Variants in MAP3K14 observed in about 807,000 individuals in gnomAD.
MAP3K14 encodes mitogen-activated protein kinase kinase kinase 14.
A neutral mutation model predicts 99.2 loss-of-function variants in MAP3K14; 16 were observed. That is an observed-to-expected ratio of 0.16 (90% CI 0.11 to 0.24). The LOEUF is 0.24. Ranked by LOEUF, MAP3K14 falls within the 10% of genes least tolerant of loss-of-function variation. MAP3K14 has a pLI of 1.00. For synonymous variants in MAP3K14, 462 were observed against 492.4 expected (o/e 0.94, Z 0.82); for missense variants, 784 against 1,208.7 (o/e 0.65, Z 5.21).
chr17:45,267,764 A>G lies in MAP3K14; in HGVS notation c.1973-5T>C, dbSNP rs1352397147. 6.2e-7 allele frequency: 1 copy of G among 1,604,316 alleles called. No homozygotes were observed. The highest frequency in any genetic ancestry group is 2.2e-5 in the East Asian group (1 of 44,860). Reference sequence around the variant, plus strand: ...AAGGGCTCTTCAGACCTCCCACTAGAAAACAGAGAGTACAATGGTGAGGGG... The same window carrying G: ...AAGGGCTCTTCAGACCTCCCACTAGGAAACAGAGAGTACAATGGTGAGGGG... On this transcript the variant is annotated splice_polypyrimidine_tract_variant and splice_region_variant and intron_variant, in intron 11 of 15. Transcript: ENST00000344686. This position sits in a 1 kb window ranked among gnomAD's most constrained non-coding sequence, Gnocchi z 5.1.
At chr17:45,285,956 A>C (rs1362689470) in intron 5 of MAP3K14, among the ~76,000 whole-genome samples, 1 of 148,570 alleles carries the variant, frequency 6.7e-6, no homozygotes, top group Non-Finnish European at 1.5e-5. Context: ...TGTCTCAAAA[A>C]ACACATTTAT....
chr17:45,292,117 TATTG>T (rs1259149377), intron 1 of MAP3K14, among the ~76,000 whole-genome samples: 1 of 152,240 alleles, frequency 6.6e-6, no homozygotes, highest in Non-Finnish European at 1.5e-5. Flanking sequence ...TGTTGTTCAC[TATTG>T]ATTAGTTCCT....
At chr17:45,270,998 A>G (rs2143783932) in intron 10 of MAP3K14, 60 bp downstream of exon 10, 3 of 1,573,558 alleles carry the variant, frequency 1.9e-6, no homozygotes, top group Non-Finnish European at 2.6e-6. Flanking sequence ...TCCAGCCTGC[A>G]GCCTGGGCCC....
rs773796611 is a variant in MAP3K14, at chr17:45,286,659, G to A, written c.924C>T (p.Asp308=). 4 of 1,610,370 alleles carry A rather than the reference G, an allele frequency of 2.5e-6. No individual in the cohort carries two copies. The highest frequency in any genetic ancestry group is 2.5e-6 in the Non-Finnish European group (3 of 1,178,504). Residue 308 remains aspartate, a synonymous_variant, in exon 5 of 16, where the codon GAC becomes GAT. Transcript: ENST00000344686. This position sits in a 1 kb window ranked among gnomAD's most constrained non-coding sequence, Gnocchi z 4.1. ...DPHLSKLACV[D]SPKPLPGPHL... ...GTGGGCCAGGCAGGGGCTTTGGACT[G>A]TCTACACAGGCCAGTTTGCTCAGGT... is the stretch of plus-strand genomic sequence containing the variant.
intron 1 of MAP3K14, among the ~76,000 whole-genome samples, chr17:45,297,859 C>T (rs1207097451): frequency 1.3e-5 from 2 of 151,856 alleles, no homozygotes; most frequent in Non-Finnish European, 2.9e-5. Context: ...GCTGGGATTA[C>T]AGGCATGTGC....
chr17:45,267,742 G>A lies in MAP3K14; in HGVS notation c.1990C>T (p.Pro664Ser), dbSNP rs1035368490. The change falls in exon 12 of 16, where the codon CCT becomes TCT. Residue 664 changes from proline (P) to serine (S), a missense_variant. By Grantham distance (74) the Pro-to-Ser change is moderately conservative. Around this residue, in one of 5 missense-constraint regions of MAP3K14, gnomAD observed 128 missense variants for 143.3 expected, o/e 0.89. Coordinates refer to ENST00000344686, the MANE Select transcript of MAP3K14 (RefSeq NM_003954.5). This position sits in a 1 kb window ranked among gnomAD's most constrained non-coding sequence, Gnocchi z 5.1. Reference sequence around the variant, plus strand: ...GGTTCTTTATATTCTCCCCTCCAAGGGCTCTTCAGACCTCCCACTAGAAAA... The same window carrying A: ...GGTTCTTTATATTCTCCCCTCCAAGAGCTCTTCAGACCTCCCACTAGAAAA... ...ALQQVGGLKS[P>S]WRGEYKEPRH... The A allele has an allele frequency of 5.0e-6, 8 of 1,611,258 alleles. No individual in the cohort carries two copies. Among genetic ancestry groups the A allele is most frequent in the Non-Finnish European group, 6.8e-6 (8 of 1,179,684 alleles).
Position 45,267,343 on chromosome 17 carries a change from C to G in MAP3K14, c.2326+63G>C. ...CCACACCGCAGGTAAAGAGAAACAC[C>G]GGCCTCCGCGGGTGGCCCAGGGCCA... On this transcript the variant is annotated intron_variant, in intron 12 of 15. Coordinates refer to ENST00000344686, the MANE Select transcript of MAP3K14 (RefSeq NM_003954.5). The surrounding 1 kb of genome is among the most constrained non-coding windows in gnomAD (Gnocchi z 5.1). The G allele has an allele frequency of 1.3e-6, 2 of 1,492,648 alleles. No individual in the cohort carries two copies. The highest frequency in any genetic ancestry group is 1.8e-6 in the Non-Finnish European group (2 of 1,099,344). 92.5% of individuals were successfully genotyped at this position (1,492,648 alleles called of 1,614,324 possible).
intron 1 of MAP3K14, among the ~76,000 whole-genome samples, chr17:45,301,073 T>C (rs538906626): frequency 1.3e-5 from 2 of 148,320 alleles, no homozygotes. Flanking sequence ...GAGGCTGAGG[T>C]GGAAGGATTG....
At chr17:45,299,651 T>C (rs890536883) in intron 1 of MAP3K14, among the ~76,000 whole-genome samples, 6 of 152,216 alleles carry the variant, frequency 3.9e-5, no homozygotes, top group Admixed American at 2.6e-4. Context: ...ACTGGACTCA[T>C]TGGCCTGCTT....
chr17:45,284,804 T>C lies in MAP3K14; in HGVS notation c.1290+8A>G, dbSNP rs1162207635. ...CCCTCTTCACTCAGCCCCTGAGCCCTGGCGTACCTTTTTGACAGCGCACTG... is the reference window on the plus strand; with the variant it reads ...CCCTCTTCACTCAGCCCCTGAGCCCCGGCGTACCTTTTTGACAGCGCACTG... On this transcript the variant is annotated splice_region_variant and intron_variant, in intron 6 of 15. Coordinates refer to ENST00000344686, the MANE Select transcript of MAP3K14 (RefSeq NM_003954.5). 6.3e-7 allele frequency: 1 copy of C among 1,589,608 alleles called. No individual in the cohort carries two copies. The highest frequency in any genetic ancestry group is 1.8e-5 in the Admixed American group (1 of 56,938).
intron 6 of MAP3K14, among the ~76,000 whole-genome samples, chr17:45,283,766 A>G (rs1224639849): frequency 6.6e-6 from 1 of 152,224 alleles, no homozygotes; most frequent in African/African-American, 2.4e-5. Context: ...TGTCTCTGAC[A>G]TAAGCCACTT....
intron 10 of MAP3K14, 23 bp downstream of exon 10, chr17:45,271,035 C>A (rs1243060379): frequency 6.2e-7 from 1 of 1,607,464 alleles, no homozygotes; most frequent in African/African-American, 1.3e-5. Context: ...CCCCTGTTGG[C>A]CATGCTGGGT....
intron 1 of MAP3K14, among the ~76,000 whole-genome samples, chr17:45,301,397 A>G (rs1436667404): frequency 6.6e-6 from 1 of 152,164 alleles, no homozygotes; most frequent in Admixed American, 6.5e-5. Flanking sequence ...TGGGAGGCGG[A>G]GGTTGCAGTG....
At chr17:45,302,169 T>TA (rs200520281) in intron 1 of MAP3K14, among the ~76,000 whole-genome samples, 126 of 67,936 alleles carry the variant, frequency 1.9e-3, no homozygotes, top group African/African-American at 4.9e-3. Context: ...TCTAAGTGGT[T>TA]AAAAAAAAAA....
In MAP3K14 at chr17:45,270,528, T is replaced by A; in HGVS notation, c.1857A>T (p.Pro619=). Residue 619 remains proline, a synonymous_variant, in exon 11 of 16, where the codon CCA becomes CCT. Transcript: ENST00000344686. ...ASEPPPVREI[P]PSCAPLTAQA... ...GGGCTGTGAGAGGGGCGCAGGAGGG[T>A]GGGATCTCCCTCACAGGCGGAGGCT... 1 of 1,577,204 alleles carries A rather than the reference T, an allele frequency of 6.3e-7. No individual in the cohort carries two copies. The highest frequency in any genetic ancestry group is 8.6e-7 in the Non-Finnish European group (1 of 1,163,378).
At chr17:45,309,015 A>G (rs1313109480) in intron 1 of MAP3K14, among the ~76,000 whole-genome samples, 1 of 151,854 alleles carries the variant, frequency 6.6e-6, no homozygotes, top group Non-Finnish European at 1.5e-5. Context: ...GGATCTCACT[A>G]TGTTGTCCAG....
At chr17:45,304,524 C>T (rs2044416699) in intron 1 of MAP3K14, among the ~76,000 whole-genome samples, 1 of 152,124 alleles carries the variant, frequency 6.6e-6, no homozygotes, top group African/African-American at 2.4e-5. Flanking sequence ...TATATCTTTT[C>T]TCCTGTTTCT....
intron 1 of MAP3K14, among the ~76,000 whole-genome samples, chr17:45,303,741 C>CTTTTTTTTTTTTT (rs77134550): frequency 7.0e-6 from 1 of 142,162 alleles, no homozygotes; most frequent in African/African-American, 2.6e-5. Flanking sequence ...TAGTTTGGGA[C>CTTTTTTTTTTTTT]TTTTTTTTTT....
intron 1 of MAP3K14, among the ~76,000 whole-genome samples, chr17:45,304,043 C>T (rs1242792352): frequency 3.0e-5 from 4 of 132,134 alleles, no homozygotes; most frequent in Non-Finnish European, 4.6e-5. Flanking sequence ...GACGGAGTCT[C>T]GCTCTGTCGC....
Sources: gnomAD v4.1 joint callset for allele counts (sites outside exome capture counted in the v4.1 genomes callset) on GRCh38, gnomAD v4.1.1 for gene constraint, gnomAD v4.1.1 regional missense constraint, Gnocchi (gnomAD v3.1) non-coding constraint, MANE v1.5 for transcripts, NCBI Gene and HGNC (gene_info 2026-07-23, HGNC 2026-07-21) for gene names.